Variants in PIKFYVE observed in about 807,000 individuals in gnomAD.
The protein encoded by PIKFYVE is phosphoinositide kinase, FYVE-type zinc finger containing.
A neutral mutation model predicts 257.9 loss-of-function variants in PIKFYVE; 122 were observed. That is an observed-to-expected ratio of 0.47 (90% CI 0.41 to 0.55). The LOEUF (loss-of-function observed/expected upper bound fraction) is 0.55. Ranked by LOEUF, PIKFYVE falls within the 20% of genes least tolerant of loss-of-function variation. The pLI, the probability that PIKFYVE is intolerant of heterozygous loss-of-function variation, is 0.00. For synonymous variants in PIKFYVE, 892 were observed against 868.9 expected (o/e 1.03, Z -0.47); for missense variants, 2,160 against 2,536.6 (o/e 0.85, Z 3.19).
chr2:208,295,589 C>T (rs1692864048), intron 7 of PIKFYVE, among the ~76,000 whole-genome samples: 1 of 152,144 alleles, frequency 6.6e-6, no homozygotes, highest in African/African-American at 2.4e-5. Context: ...TTATCAAAAG[C>T]TTCCTATGAT....
intron 3 of PIKFYVE, among the ~76,000 whole-genome samples, chr2:208,274,780 C>T (rs987383874): frequency 5.3e-5 from 8 of 151,500 alleles, no homozygotes; most frequent in Middle Eastern, 3.4e-3. Context: ...AACTTTTAAC[C>T]TCAATAAACT....
rs556146910 is a variant in PIKFYVE, at chr2:208,348,582, T to A, written c.5374+559T>A. Among the ~76,000 whole-genome samples the A allele has an allele frequency of 2.2e-5, 3 of 134,426 alleles. No individual in the cohort carries two copies. The South Asian group carries it at 7.6e-4, about 34-fold the overall frequency. The allele number at this position is 134,426 out of a possible 152,430, so 88.2% of individuals were successfully genotyped here. On this transcript the variant is annotated intron_variant, in intron 35 of 41. Transcript: ENST00000264380. ...TGGGCAATAAAATGAGACCTCTGTC[T>A]CTACCAAAAAAAAAAAAGTGTGTGT... is the stretch of plus-strand genomic sequence containing the variant.
chr2:208,280,937 C>G (rs1250031437), intron 5 of PIKFYVE, among the ~76,000 whole-genome samples: 1 of 152,160 alleles, frequency 6.6e-6, no homozygotes, highest in Non-Finnish European at 1.5e-5. Context: ...TCTTTGGCGA[C>G]TAAAGTGCTG....
At chr2:208,277,488 TTAA>T (rs764353507) in intron 4 of PIKFYVE, 46 bp from the exon 5 acceptor site, 11 of 1,587,102 alleles carry the variant, frequency 6.9e-6, no homozygotes, top group South Asian at 2.2e-5. Context: ...CCATTGCATA[TTAA>T]TAATCAGTAT....
At chr2:208,340,597 G>A (rs1698603784) in intron 31 of PIKFYVE, among the ~76,000 whole-genome samples, 1 of 152,158 alleles carries the variant, frequency 6.6e-6, no homozygotes, top group Non-Finnish European at 1.5e-5. Flanking sequence ...GGCTGGCTGT[G>A]AAAGTTTATT....
intron 20 of PIKFYVE, 111 bp from the exon 21 acceptor site, chr2:208,328,068 AG>A (rs1697134993): frequency 6.3e-7 from 1 of 1,580,066 alleles, no homozygotes; most frequent in Admixed American, 1.8e-5. Context: ...TCTTGACCAG[AG>A]CCCCCACAGT....
intron 7 of PIKFYVE, among the ~76,000 whole-genome samples, chr2:208,296,630 T>A (rs1693022634): frequency 6.6e-6 from 1 of 151,918 alleles, no homozygotes; most frequent in Non-Finnish European, 1.5e-5. Flanking sequence ...ATCAAGAGAA[T>A]GAGTGTGAAA....
At chr2:208,300,665 T>C (rs1693569007) in intron 8 of PIKFYVE, among the ~76,000 whole-genome samples, 1 of 152,140 alleles carries the variant, frequency 6.6e-6, no homozygotes, top group African/African-American at 2.4e-5. Context: ...GAAGAATACA[T>C]AAATAGGAGA....
chr2:208,353,482 TGTAA>T (rs1699950345), intron 39 of PIKFYVE, among the ~76,000 whole-genome samples: 2 of 152,204 alleles, frequency 1.3e-5, no homozygotes, highest in Admixed American at 1.3e-4. Context: ...TCTACATTGC[TGTAA>T]GTAATTGTCC....
At chr2:208,285,997 A>C in intron 6 of PIKFYVE, 64 bp downstream of exon 6, 1 of 1,466,790 alleles carries the variant, frequency 6.8e-7, no homozygotes, top group Admixed American at 1.7e-5. Flanking sequence ...CTGACCTTTG[A>C]GTGCTTTCAG....
At chr2:208,299,188 G>T (rs1318535822) in intron 8 of PIKFYVE, among the ~76,000 whole-genome samples, 3 of 152,122 alleles carry the variant, frequency 2.0e-5, no homozygotes, top group African/African-American at 7.2e-5. Context: ...TAGCATATCA[G>T]TTAAACAGAA....
At chr2:208,316,934 A>G (rs1238296585) in intron 15 of PIKFYVE, among the ~76,000 whole-genome samples, 2 of 152,248 alleles carry the variant, frequency 1.3e-5, no homozygotes, top group Non-Finnish European at 2.9e-5. Flanking sequence ...AACCATATGT[A>G]GAAAGCTGAA....
At position 208,335,323 on chromosome 2, in the gene PIKFYVE, T is replaced by G. The variant is rs776438467; in HGVS notation, c.4160T>G (p.Leu1387Arg). 2 of 1,608,428 alleles carry G rather than the reference T, an allele frequency of 1.2e-6. No homozygotes were observed. Among genetic ancestry groups the G allele is most frequent in the African/African-American group, 1.3e-5 (1 of 74,810 alleles). ...CTTCTCAGTTATTCTCCCATTCGGC[T>G]TCTTGAAGTATGTGTTCCACTCCCC... is the stretch of plus-strand genomic sequence containing the variant. ...VASFSYSPIR[L>R]LEVCVPLPKI... Residue 1387 changes from leucine (L) to arginine (R), a missense_variant, in exon 25 of 42, where the codon CTT (leucine) becomes CGT (arginine). Leu to Arg is a moderately radical substitution (Grantham distance 102). Around this residue, in one of 12 missense-constraint regions of PIKFYVE, gnomAD observed 699 missense variants for 855.8 expected, o/e 0.82. Coordinates refer to ENST00000264380, the MANE Select transcript of PIKFYVE (RefSeq NM_015040.4).
rs1225271672 is a variant in PIKFYVE at position 208,355,301 on chromosome 2, G to A, written c.6293G>A (p.Cys2098Tyr). The A allele has an allele frequency of 6.2e-7, 1 of 1,611,186 alleles. No individual in the cohort carries two copies. ...CACTGGACAGGCTTGGGTCTGAATT[G>A]CTGAAATCAAGCACATATTTTGAAA... is the stretch of plus-strand genomic sequence containing the variant. ...PDHWTGLGLN[C>Y] Residue 2098 changes from cysteine (C) to tyrosine (Y), a missense_variant, in exon 42 of 42, where the codon TGC becomes TAC. Physicochemically the swap from Cys to Tyr is radical, Grantham distance 194 (BLOSUM62 -2). Transcript: ENST00000264380.
chr2:208,337,000 AG>A, intron 28 of PIKFYVE, 72 bp downstream of exon 28: 2 of 1,207,874 alleles, frequency 1.7e-6, no homozygotes, highest in Non-Finnish European at 2.4e-6. Flanking sequence ...AATACTTAGC[AG>A]GGATAGTTTA....
chr2:208,281,285 CA>C (rs1553610384), intron 5 of PIKFYVE, among the ~76,000 whole-genome samples: 2 of 152,156 alleles, frequency 1.3e-5, no homozygotes, highest in Non-Finnish European at 2.9e-5. Context: ...ATGTTTCAGC[CA>C]GTCATCTAAA....
At chr2:208,313,822 A>T (rs1221808816) in intron 13 of PIKFYVE, among the ~76,000 whole-genome samples, 1 of 152,146 alleles carries the variant, frequency 6.6e-6, no homozygotes, top group Non-Finnish European at 1.5e-5. Flanking sequence ...ACCTCAGGTG[A>T]TCTGCCCACC....
chr2:208,356,473 C>G lies in PIKFYVE; in HGVS notation c.*1168C>G, dbSNP rs6710221. 0.93 allele frequency: 141,560 copies of G among 152,310 alleles called. 66,331 individuals carry two copies. The highest frequency in any genetic ancestry group is 0.98 in the Non-Finnish European group (66,899 of 68,076). 9.4% of individuals were successfully genotyped at this position (152,310 alleles called of 1,614,324 possible). ...TTCAAGACCAGCCTGGCCAACATGA[C>G]GAAACCCCATCTCTACTAAAAAGAC... On this transcript the variant is annotated 3_prime_UTR_variant, in exon 42 of 42. Transcript: ENST00000264380.
At chr2:208,298,897 C>A in intron 8 of PIKFYVE, 118 bp downstream of exon 8, 1 of 1,337,656 alleles carries the variant, frequency 7.5e-7, no homozygotes, top group South Asian at 1.2e-5. Context: ...GGCTGGGGTG[C>A]AGTGGTGTGA....
Sources: gnomAD v4.1 joint callset for allele counts (sites outside exome capture counted in the v4.1 genomes callset) on GRCh38, gnomAD v4.1.1 for gene constraint, gnomAD v4.1.1 regional missense constraint, MANE v1.5 for transcripts, NCBI Gene and HGNC (gene_info 2026-07-23, HGNC 2026-07-21) for gene names.